Variants in SIGLEC1 observed in about 807,000 individuals in gnomAD.
SIGLEC1 encodes the protein sialic acid binding Ig like lectin 1, also known as sialoadhesin.
In SIGLEC1, 132 loss-of-function variants were observed where a neutral mutation model predicts 148.0. That is an observed-to-expected ratio of 0.89 (90% CI 0.77 to 1.03). The LOEUF (loss-of-function observed/expected upper bound fraction) is 1.03, where lower values mean the gene tolerates loss of function less well. SIGLEC1 is among the 50% of genes least tolerant of loss of function. The pLI is 0.00. For missense variants in SIGLEC1, 2,253 were observed against 2,271.4 expected, an observed-to-expected ratio of 0.99 and a Z score of 0.16; for synonymous variants, 945 against 969.0, an observed-to-expected ratio of 0.98 and a Z score of 0.46.
intron 4 of SIGLEC1, 33 bp from the exon 5 acceptor site, chr20:3,704,124 T>G (rs1253854902): frequency 6.3e-7 from 1 of 1,592,786 alleles, no homozygotes; most frequent in African/African-American, 1.3e-5. Flanking sequence ...TTGGGTAAGG[T>G]GCTTGGGGAG....
intron 5 of SIGLEC1, 46 bp downstream of exon 5, chr20:3,703,779 C>T (rs1005885): frequency 0.069 from 111,648 of 1,607,554 alleles, 4,301 homozygotes; most frequent in East Asian, 0.12. Context: ...GAGGCCTGAG[C>T]TCCTCCCTAT....
intron 4 of SIGLEC1, among the ~76,000 whole-genome samples, chr20:3,704,698 C>G (rs958973020): frequency 2.6e-5 from 4 of 152,236 alleles, no homozygotes; most frequent in African/African-American, 9.6e-5. Context: ...CTCACTGCAG[C>G]CTGAAACTCC....
intron 8 of SIGLEC1, among the ~76,000 whole-genome samples, chr20:3,698,465 C>A (rs1459085422): frequency 6.6e-6 from 1 of 152,244 alleles, no homozygotes; most frequent in African/African-American, 2.4e-5. Flanking sequence ...ACCTAGCAAT[C>A]CCTGGGGGTC....
intron 1 of SIGLEC1, among the ~76,000 whole-genome samples, chr20:3,712,261 G>A (rs962922856): frequency 6.6e-6 from 1 of 152,022 alleles, no homozygotes; most frequent in African/African-American, 2.4e-5. Flanking sequence ...TGGGATGCAG[G>A]TTGGAAGGAT....
intron 19 of SIGLEC1, 94 bp downstream of exon 19, chr20:3,689,868 C>A: frequency 8.1e-7 from 1 of 1,232,906 alleles, no homozygotes; most frequent in Non-Finnish European, 1.2e-6. Context: ...GCAAATCATG[C>A]TGCAGCAGGA....
At chr20:3,688,731 G>A in intron 21 of SIGLEC1, 112 bp from the exon 22 acceptor site, 2 of 791,320 alleles carry the variant, frequency 2.5e-6, no homozygotes, top group Non-Finnish European at 4.0e-6. Context: ...GTGCATGGCT[G>A]GAAGTGTGAC....
chr20:3,694,528 G>A lies in SIGLEC1; in HGVS notation c.2949C>T (p.Ala983=). 6.4e-7 allele frequency: 1 copy of A among 1,560,336 alleles called. No homozygotes were observed. The highest frequency in any genetic ancestry group is 8.7e-7 in the Non-Finnish European group (1 of 1,150,392). ...GGGTAGTGAGTGTGACGTGGCGTGG[G>A]GCATCTACACAGGGTGGGGAGTGGT... is the stretch of plus-strand genomic sequence containing the variant. ...AAPISLHVSY[A]PRHVTLTTLM... The change falls in exon 13 of 22, where the codon GCC becomes GCT. Residue 983 remains alanine, a synonymous_variant. Transcript: ENST00000344754.
chr20:3,692,524 G>C lies in SIGLEC1; in HGVS notation c.4027C>G (p.Leu1343Val). ...RSSRPAALQV[L>V]YAPQDAVLSS... ...TGGCCAAGGACCCTCTGCTCACAGA[G>C]GACTTGCAGGGCAGCAGGACGGGAG... The change falls in exon 16 of 22, where the codon CTC (leucine) becomes GTC (valine). Residue 1343 changes from leucine (L) to valine (V), a missense_variant. Leu to Val is a conservative substitution (Grantham distance 32). Transcript: ENST00000344754. 1.9e-6 allele frequency: 3 copies of C among 1,590,896 alleles called. No individual in the cohort carries two copies. Among genetic ancestry groups the C allele is most frequent in the Non-Finnish European group, 8.5e-7 (1 of 1,173,936 alleles).
intron 20 of SIGLEC1, 26 bp from the exon 21 acceptor site, chr20:3,689,253 G>A (rs368226033): frequency 6.3e-7 from 1 of 1,595,334 alleles, no homozygotes; most frequent in East Asian, 2.2e-5. Flanking sequence ...TGGACTCAGA[G>A]AGCCTCTCCC....
rs2087934799 is a variant in SIGLEC1, at chr20:3,712,504, G to A, written c.-144C>T. On this transcript the variant is annotated 5_prime_UTR_variant, in exon 1 of 22. Transcript: ENST00000344754. ...AGAAGGAAGTGGCTGCGGCGGTGCT[G>A]GACCTGCGGAGAGGAGAACAGGAAG... Among the ~76,000 whole-genome samples the A allele has an allele frequency of 6.6e-6, 1 of 152,102 alleles. No homozygotes were observed. Among genetic ancestry groups the A allele is most frequent in the South Asian group, 2.1e-4 (1 of 4,828 alleles).
chr20:3,691,769 C>T lies in SIGLEC1; in HGVS notation c.4330+134G>A, dbSNP rs1423648769. ...CCCCCTCCAGTGGGAGCTGTGCCCC[C>T]TCCACCAGATTAGGCTTCTCAAGGC... On this transcript the variant is annotated intron_variant, in intron 17 of 21. Transcript: ENST00000344754. The T allele has an allele frequency of 2.2e-6, 3 of 1,338,280 alleles. No individual in the cohort carries two copies. The African/African-American group carries it at 4.4e-5, about 20-fold the overall frequency. 82.9% of individuals were successfully genotyped at this position (1,338,280 alleles called of 1,614,324 possible). A position where few individuals can be genotyped will look rare whatever the true frequency, so the allele number is the denominator to read the frequency against.
chr20:3,702,503 G>A (rs1008834671), intron 6 of SIGLEC1, among the ~76,000 whole-genome samples: 5 of 151,812 alleles, frequency 3.3e-5, no homozygotes, highest in African/African-American at 7.3e-5. Context: ...GAGGAGAATC[G>A]CTTGAGCCCC....
chr20:3,697,494 G>T, intron 9 of SIGLEC1, 152 bp from the exon 10 acceptor site: 1 of 970,298 alleles, frequency 1.0e-6, no homozygotes, highest in Non-Finnish European at 1.5e-6. Context: ...CAGCCTAGGA[G>T]AAGTGGGCCC....
intron 3 of SIGLEC1, 112 bp from the exon 4 acceptor site, chr20:3,706,152 G>T: frequency 7.5e-7 from 1 of 1,325,228 alleles, no homozygotes; most frequent in Non-Finnish European, 1.0e-6. Context: ...TTAGGGGAAG[G>T]AAAGACGCTT....
At chr20:3,709,367 G>C (rs991698979) in intron 1 of SIGLEC1, among the ~76,000 whole-genome samples, 2 of 152,170 alleles carry the variant, frequency 1.3e-5, no homozygotes, top group Admixed American at 1.3e-4. Context: ...ACCACAGTGA[G>C]ATACCACTTC....
intron 13 of SIGLEC1, 136 bp downstream of exon 13, chr20:3,694,085 C>T: frequency 3.1e-6 from 3 of 970,274 alleles, no homozygotes; most frequent in Non-Finnish European, 4.4e-6. Flanking sequence ...AGTCTGGAGT[C>T]CACCATCGTT....
In SIGLEC1 at chr20:3,692,758, G is replaced by C. The variant is rs1461347714; in HGVS notation, c.3793C>G (p.Leu1265Val). 1.5e-5 allele frequency: 24 copies of C among 1,610,628 alleles called. No homozygotes were observed. Among genetic ancestry groups the C allele is most frequent in the Non-Finnish European group, 2.0e-5 (24 of 1,179,402 alleles). Residue 1265 changes from leucine to valine, a missense_variant, in exon 16 of 22, where the codon CTG (leucine) becomes GTG (valine). Leu to Val is a conservative substitution (Grantham distance 32, BLOSUM62 1). Transcript: ENST00000344754. Reference protein sequence around the residue: ...ELRLEGVRVILAPEAAVPEGA... With the variant: ...ELRLEGVRVIVAPEAAVPEGA... ...TCAGGCACGGCAGCCTCCGGAGCCA[G>C]GATCACCCGCACACCTGTGCCAAGG... is the stretch of plus-strand genomic sequence containing the variant.
rs2087830251 is a variant in SIGLEC1, at chr20:3,699,290, G to A, written c.1698C>T (p.Ser566=). The change falls in exon 8 of 22, where the codon TCC becomes TCT. Residue 566 remains serine, a synonymous_variant. Coordinates refer to ENST00000344754, the MANE Select transcript of SIGLEC1 (RefSeq NM_023068.4). ...AGTGGTATGAGCCGGCGTCAGTGCT[G>A]GAGGCCGCGGGGAGCAGGAGGCTGC... ...PGSSLLLPAA[S]STDAGSYHCR... 4.4e-6 allele frequency: 7 copies of A among 1,608,496 alleles called. No individual in the cohort carries two copies. Among genetic ancestry groups the A allele is most frequent in the Non-Finnish European group, 5.9e-6 (7 of 1,178,324 alleles).
intron 8 of SIGLEC1, 147 bp downstream of exon 8, chr20:3,699,055 C>T (rs1366952004): frequency 3.4e-6 from 3 of 882,986 alleles, no homozygotes; most frequent in Admixed American, 2.9e-5. Flanking sequence ...TTCAGCCCCA[C>T]ATGGAAAGAC....
Sources: gnomAD v4.1 joint callset for allele counts (sites outside exome capture counted in the v4.1 genomes callset) on GRCh38, gnomAD v4.1.1 for gene constraint, MANE v1.5 for transcripts, NCBI Gene and HGNC (gene_info 2026-07-23, HGNC 2026-07-21) for gene names.